The following IGSF10 variants were observed in gnomAD, a reference collection of about 807,000 sequenced individuals.
IGSF10 encodes the protein immunoglobulin superfamily member 10, also known as calvaria mechanical force protein 608.
IGSF10 carries 126 observed loss-of-function variants against 128.2 expected under a neutral mutation model. The observed-to-expected ratio is 0.98, with a 90% CI of 0.85 to 1.14. The LOEUF (loss-of-function observed/expected upper bound fraction) is 1.14. Ranked by LOEUF, IGSF10 falls within the 50% of genes most tolerant of loss-of-function variation. IGSF10 has a pLI of 0.00. For synonymous variants in IGSF10, 1,185 were observed against 1,146.2 expected (o/e 1.03, Z -0.68); for missense variants, 3,295 against 3,149.8 (o/e 1.05, Z -1.10).
the IGSF10 span, among the ~76,000 whole-genome samples, chr3:151,503,794 T>C: frequency 3.9e-5 from 6 of 152,134 alleles, no homozygotes; most frequent in Non-Finnish European, 7.4e-5. Flanking sequence ...AAAGATAGTT[T>C]GGCAGGTAGA....
the IGSF10 span, among the ~76,000 whole-genome samples, chr3:151,594,089 A>G: frequency 6.6e-6 from 1 of 152,266 alleles, no homozygotes; most frequent in East Asian, 1.9e-4. Flanking sequence ...TCTTTCCAGT[A>G]GTTAAATTCA....
At chr3:151,584,496 T>C in the IGSF10 span, among the ~76,000 whole-genome samples, 1 of 152,220 alleles carries the variant, frequency 6.6e-6, no homozygotes, top group African/African-American at 2.4e-5. Context: ...TTTTTCTCTC[T>C]CCCTCTTGCT....
chr3:151,602,411 AATT>A, the IGSF10 span, among the ~76,000 whole-genome samples: 2 of 152,134 alleles, frequency 1.3e-5, no homozygotes, highest in South Asian at 2.1e-4. Context: ...TTCCTTGGCA[AATT>A]ATTATTCCAA....
chr3:151,550,537 C>T, the IGSF10 span, among the ~76,000 whole-genome samples: 4 of 152,126 alleles, frequency 2.6e-5, no homozygotes, highest in African/African-American at 4.8e-5. Context: ...AATTTAATTA[C>T]ACAAATGGCT....
Position 151,445,842 on chromosome 3 carries a change from G to A in IGSF10, c.4139C>T (p.Thr1380Ile). The change falls in exon 6 of 8, where the codon ACC (threonine) becomes ATC (isoleucine). Residue 1380 changes from threonine (T) to isoleucine (I), a missense_variant. Physicochemically the swap from Thr to Ile is moderately conservative, Grantham distance 89 (BLOSUM62 -1). Transcript: ENST00000282466. ...TPTAMTPPVL[T>I]TAETSVKPSV... The stretch of plus-strand genomic sequence containing the variant: ...GGGCTTGACTGAAGTTTCGGCTGTG[G>A]TTAGAACAGGAGGTGTCATAGCAGT... 7.4e-6 allele frequency: 12 copies of A among 1,614,220 alleles called. No homozygotes were observed. The highest frequency in any genetic ancestry group is 1.0e-5 in the Non-Finnish European group (12 of 1,180,036).
At chr3:151,595,721 A>G in the IGSF10 span, among the ~76,000 whole-genome samples, 2 of 150,492 alleles carry the variant, frequency 1.3e-5, no homozygotes, top group African/African-American at 2.4e-5. Context: ...TGATATCTGG[A>G]ATCTGAAAAA....
At chr3:151,454,018 T>C (rs887764948) in intron 4 of IGSF10, among the ~76,000 whole-genome samples, 2 of 97,460 alleles carry the variant, frequency 2.1e-5, no homozygotes, top group Admixed American at 1.2e-4. Flanking sequence ...TTTTTCTTTT[T>C]CTTTTTTTTT....
At chr3:151,566,256 C>T in the IGSF10 span, among the ~76,000 whole-genome samples, 3 of 151,962 alleles carry the variant, frequency 2.0e-5, no homozygotes, top group Non-Finnish European at 2.9e-5. Flanking sequence ...CCCTACCCCA[C>T]AAATGATAGA....
rs1027703698 is a variant in IGSF10 at position 151,457,260 on chromosome 3, C to T, written c.195-105G>A. ...GAAAACTCAATACCTCTCTTTATAA[C>T]TGTACTCTATTGAGACAATCAAATG... On this transcript the variant is annotated intron_variant, in intron 3 of 7. Transcript: ENST00000282466. 106 of 1,059,674 alleles carry T rather than the reference C, an allele frequency of 1.0e-4. 1 individual carries two copies. Among genetic ancestry groups the T allele is most frequent in the Non-Finnish European group, 1.4e-4 (99 of 725,058 alleles). 65.6% of individuals were successfully genotyped at this position (1,059,674 alleles called of 1,614,324 possible). A position where few individuals can be genotyped will look rare whatever the true frequency, so the allele number is the denominator to read the frequency against.
chr3:151,488,919 G>C, the IGSF10 span, among the ~76,000 whole-genome samples: 1 of 152,144 alleles, frequency 6.6e-6, no homozygotes, highest in African/African-American at 2.4e-5. Context: ...CATGGACAAA[G>C]ACTTCATGAC....
the IGSF10 span, among the ~76,000 whole-genome samples, chr3:151,540,192 A>T: frequency 5.9e-5 from 9 of 152,342 alleles, no homozygotes; most frequent in South Asian, 8.3e-4. Context: ...CGTATATATC[A>T]TAAGTGTACA....
At chr3:151,580,033 ACTT>A in the IGSF10 span, among the ~76,000 whole-genome samples, 1 of 152,122 alleles carries the variant, frequency 6.6e-6, no homozygotes, top group South Asian at 2.1e-4. Flanking sequence ...ATTGCAACAG[ACTT>A]CTTATTAGAA....
At chr3:151,479,330 C>T in the IGSF10 span, among the ~76,000 whole-genome samples, 1 of 152,100 alleles carries the variant, frequency 6.6e-6, no homozygotes, top group South Asian at 2.1e-4. Context: ...ATGTTTCTTT[C>T]TGTTTAATGT....
the IGSF10 span, among the ~76,000 whole-genome samples, chr3:151,540,613 C>A: frequency 6.6e-6 from 1 of 152,186 alleles, no homozygotes. Flanking sequence ...GTTCGTACCT[C>A]TGGTGCACAT....
Position 151,445,102 on chromosome 3 carries a change from G to T in IGSF10, c.4879C>A (p.Gln1627Lys). ...KKSDFDKKPVQEATTSKLLPF... is the reference protein window; with the variant it reads ...KKSDFDKKPVKEATTSKLLPF... ...AGGAGTTTGGAAGTTGTTGCTTCTT[G>T]AACTGGTTTCTTATCAAAGTCACTC... Residue 1627 changes from glutamine to lysine, a missense_variant, in exon 6 of 8, where the codon CAA becomes AAA. Coordinates refer to ENST00000282466, the MANE Select transcript of IGSF10 (RefSeq NM_178822.5). The T allele has an allele frequency of 6.2e-7, 1 of 1,614,114 alleles. No individual in the cohort carries two copies. Among genetic ancestry groups the T allele is most frequent in the Non-Finnish European group, 8.5e-7 (1 of 1,180,010 alleles).
At chr3:151,481,276 G>A in the IGSF10 span, among the ~76,000 whole-genome samples, 3 of 152,258 alleles carry the variant, frequency 2.0e-5, no homozygotes, top group East Asian at 5.8e-4. Context: ...TTAGCCTTCT[G>A]CAGTTTAAGC....
the IGSF10 span, among the ~76,000 whole-genome samples, chr3:151,609,357 G>C: frequency 6.6e-6 from 1 of 152,162 alleles, no homozygotes; most frequent in African/African-American, 2.4e-5. Context: ...AGAAATCATT[G>C]AAGAATTTTA....
downstream of IGSF10, chr3:151,434,894 C>CT (rs1173031527): frequency 6.6e-6 from 1 of 152,038 alleles, no homozygotes; most frequent in African/African-American, 2.4e-5. Context: ...TGGGGCATAT[C>CT]TTTTTTCTTT....
chr3:151,460,920 G>A (rs9817904), intron 1 of IGSF10, 26 bp downstream of exon 1: 742,532 of 984,678 alleles, frequency 0.75, 280,756 homozygotes, highest in Middle Eastern at 0.9. Flanking sequence ...AGCCCTTTCC[G>A]GGGAAGGATT....
Sources: allele counts gnomAD v4.1 joint callset (sites outside exome capture counted in the v4.1 genomes callset), GRCh38; gene constraint gnomAD v4.1.1; transcripts MANE v1.5; gene names NCBI Gene and HGNC (gene_info 2026-07-23, HGNC 2026-07-21).